MICOS10: variants seen among roughly 807,000 people sequenced by gnomAD.
The protein encoded by MICOS10 is mitochondrial contact site and cristae organizing system subunit 10.
Under a neutral mutation model 13.4 loss-of-function variants are expected in MICOS10, and 5 were observed. The ratio of observed to expected loss-of-function variants is 0.37; its 90% CI spans 0.20 to 0.78. The LOEUF is 0.78. MICOS10 is among the 30% of genes least tolerant of loss of function. The probability of loss-of-function intolerance (pLI) is 0.47; values close to 1 mark genes in which losing one functional copy is unlikely to be tolerated. For synonymous variants in MICOS10, 35 were observed against 33.6 expected, an observed-to-expected ratio of 1.04 and a Z score of -0.15; for missense variants, 101 against 94.6, an observed-to-expected ratio of 1.07 and a Z score of -0.28.
chr1:19,605,337 A>C (rs1264710735), intron 1 of MICOS10, among the ~76,000 whole-genome samples: 1 of 152,182 alleles, frequency 6.6e-6, no homozygotes, highest in African/African-American at 2.4e-5. Flanking sequence ...AAATTGTGCA[A>C]TTATCACAAT....
chr1:19,601,065 C>T, intron 1 of MICOS10: 1 of 1,216,534 alleles, frequency 8.2e-7, no homozygotes, highest in Non-Finnish European at 1.1e-6. Context: ...TGTACGATGA[C>T]TATTATAATC....
At chr1:19,621,271 G>C (rs2094902439) in intron 1 of MICOS10, among the ~76,000 whole-genome samples, 1 of 152,170 alleles carries the variant, frequency 6.6e-6, no homozygotes, top group Admixed American at 6.5e-5. Context: ...CGGTAGGATT[G>C]GTCTGGGAAT....
At chr1:19,608,305 A>C in intron 1 of MICOS10, 1 of 1,333,604 alleles carries the variant, frequency 7.5e-7, no homozygotes, top group Non-Finnish European at 1.1e-6. Flanking sequence ...AGGTGAAGGC[A>C]GACCGAGATG....
chr1:19,609,756 T>C (rs1447742588), intron 1 of MICOS10, among the ~76,000 whole-genome samples: 1 of 152,210 alleles, frequency 6.6e-6, no homozygotes, highest in Non-Finnish European at 1.5e-5. Context: ...TATGATCCTA[T>C]TTACATATTT....
chr1:19,611,469 ATTTT>A (rs768118529), intron 1 of MICOS10, among the ~76,000 whole-genome samples: 1 of 90,370 alleles, frequency 1.1e-5, no homozygotes. Flanking sequence ...TTGCAACTTG[ATTTT>A]TTTTTTTTTT....
chr1:19,612,103 C>A (rs1399898517), intron 1 of MICOS10, among the ~76,000 whole-genome samples: 1 of 151,154 alleles, frequency 6.6e-6, no homozygotes, highest in Admixed American at 6.6e-5. Context: ...AGTGCAGTGG[C>A]GCGATCTCCA....
intron 1 of MICOS10, among the ~76,000 whole-genome samples, chr1:19,612,334 G>A (rs2094866544): frequency 6.6e-6 from 1 of 151,814 alleles, no homozygotes; most frequent in Non-Finnish European, 1.5e-5. Flanking sequence ...GTAGGTGTGA[G>A]CCACGTGCCA....
chr1:19,616,630 T>C (rs2094885453), intron 1 of MICOS10, among the ~76,000 whole-genome samples: 2 of 152,164 alleles, frequency 1.3e-5, no homozygotes, highest in South Asian at 4.1e-4. Flanking sequence ...TAACCATGGA[T>C]AGTGTTAAAA....
At chr1:19,612,480 TGGGAGG>T (rs1432794344) in intron 1 of MICOS10, among the ~76,000 whole-genome samples, 1 of 151,406 alleles carries the variant, frequency 6.6e-6, no homozygotes, top group Non-Finnish European at 1.5e-5. Context: ...CCCAGCACTT[TGGGAGG>T]CTGAGGCAGG....
Position 19,628,407 on chromosome 1 carries a change from G to C in MICOS10, c.*2006G>C, listed in dbSNP as rs1381747339. On this transcript the variant is annotated 3_prime_UTR_variant, in exon 4 of 4. Transcript: ENST00000322753. Reference sequence around the variant, plus strand: ...TGCTTTAAAAGTAATTTCCTGGCCGGATGCGGTGGCTCACACCTGTAATCC... The same window carrying C: ...TGCTTTAAAAGTAATTTCCTGGCCGCATGCGGTGGCTCACACCTGTAATCC... 1 of 95,672 alleles carries C rather than the reference G, an allele frequency of 1.0e-5. No homozygotes were observed. The highest frequency in any genetic ancestry group is 2.5e-5 in the Non-Finnish European group (1 of 39,270). 5.9% of individuals were successfully genotyped at this position (95,672 alleles called of 1,614,324 possible).
chr1:19,621,984 T>C, intron 1 of MICOS10, 116 bp from the exon 2 acceptor site: 3 of 761,740 alleles, frequency 3.9e-6, no homozygotes, highest in Non-Finnish European at 6.4e-6. Flanking sequence ...AAATTAATTC[T>C]CTACCAAATT....
At chr1:19,608,776 A>G (rs2094846203) in intron 1 of MICOS10, among the ~76,000 whole-genome samples, 1 of 152,116 alleles carries the variant, frequency 6.6e-6, no homozygotes, top group African/African-American at 2.4e-5. Flanking sequence ...CCATTAAGAA[A>G]ACAAAAAGGC....
At chr1:19,624,161 G>C (rs1237230507) in intron 3 of MICOS10, among the ~76,000 whole-genome samples, 1 of 151,756 alleles carries the variant, frequency 6.6e-6, no homozygotes, top group Non-Finnish European at 1.5e-5. Context: ...TTGTATTTTA[G>C]TAGAGACGGA....
intron 1 of MICOS10, among the ~76,000 whole-genome samples, chr1:19,610,400 A>T (rs2094855827): frequency 1.8e-5 from 1 of 54,980 alleles, no homozygotes; most frequent in African/African-American, 5.6e-5. Flanking sequence ...TTTTTTTTGG[A>T]GACAAGGCCT....
At chr1:19,602,981 TC>T (rs2094821405) in intron 1 of MICOS10, among the ~76,000 whole-genome samples, 1 of 152,252 alleles carries the variant, frequency 6.6e-6, no homozygotes, top group Admixed American at 6.5e-5. Flanking sequence ...GTCATAGACT[TC>T]CAGGGGCTGC....
rs374174138 is a variant in MICOS10 at position 19,626,954 on chromosome 1, G to A, written c.*553G>A. On this transcript the variant is annotated 3_prime_UTR_variant, in exon 4 of 4. Transcript: ENST00000322753. ...TCTCCGCTGTGCCTACTGCAAGGCG[G>A]TCCCACTGCTGCTGTATTAGCAGGG... is the stretch of plus-strand genomic sequence containing the variant. 2 of 156,414 alleles carry A rather than the reference G, an allele frequency of 1.3e-5. No individual in the cohort carries two copies. Among genetic ancestry groups the A allele is most frequent in the South Asian group, 2.0e-4 (1 of 5,124 alleles). 9.7% of individuals were successfully genotyped at this position (156,414 alleles called of 1,614,324 possible).
At chr1:19,608,054 G>T (rs559238028) in intron 1 of MICOS10, 1 of 778,458 alleles carries the variant, frequency 1.3e-6, no homozygotes, top group East Asian at 2.4e-5. Context: ...AAATATAAAA[G>T]CTAAAACTAT....
intron 2 of MICOS10, 31 bp downstream of exon 2, chr1:19,622,178 G>A: frequency 1.3e-6 from 2 of 1,565,822 alleles, no homozygotes; most frequent in Non-Finnish European, 1.8e-6. Context: ...TCAACATAAT[G>A]TCATAGTGTA....
chr1:19,607,855 A>G (rs2094841214), intron 1 of MICOS10, among the ~76,000 whole-genome samples: 1 of 152,214 alleles, frequency 6.6e-6, no homozygotes, highest in African/African-American at 2.4e-5. Context: ...GTGGTGTTGG[A>G]GAAGAGCTGG....
Sources: gnomAD v4.1 joint callset for allele counts (sites outside exome capture counted in the v4.1 genomes callset) on GRCh38, gnomAD v4.1.1 for gene constraint, MANE v1.5 for transcripts, NCBI Gene and HGNC (gene_info 2026-07-23, HGNC 2026-07-21) for gene names.